FGF13: variants seen among roughly 807,000 people sequenced by gnomAD.
FGF13 encodes fibroblast growth factor homologous factor 2.
FGF13 carries 2 observed loss-of-function variants against 19.5 expected under a neutral mutation model. That is an observed-to-expected ratio of 0.10 (90% CI 0.04 to 0.32). FGF13 has a LOEUF of 0.32. FGF13 is among the 10% of genes least tolerant of loss of function. The pLI, the probability that FGF13 is intolerant of heterozygous loss-of-function variation, is 1.00. For synonymous variants in FGF13, 72 were observed against 76.9 expected (o/e 0.94, Z 0.33); for missense variants, 113 against 192.7 (o/e 0.59, Z 2.45).
At chrX:138,804,521 T>C (rs1193841892) in intron 3 of FGF13, among the ~76,000 whole-genome samples, 1 of 112,078 alleles carries the variant, frequency 8.9e-6, no homozygotes, top group Non-Finnish European at 1.9e-5. Flanking sequence ...CAGCATGAAT[T>C]ATTCCAATAT....
intron 1 of FGF13, among the ~76,000 whole-genome samples, chrX:139,003,847 G>C (rs1457667885): frequency 9.0e-6 from 1 of 111,531 alleles, no homozygotes; most frequent in Non-Finnish European, 1.9e-5. Context: ...ATGTCGATTG[G>C]TGCACTCACA....
chrX:138,675,015 A>G (rs1481897606), intron 3 of FGF13, among the ~76,000 whole-genome samples: 1 of 111,763 alleles, frequency 8.9e-6, no homozygotes, highest in Non-Finnish European at 1.9e-5. Flanking sequence ...GGTGCAATCA[A>G]GGGAGAACTA....
chrX:138,798,112 G>T (rs1391405980), intron 3 of FGF13, among the ~76,000 whole-genome samples: 2 of 111,823 alleles, frequency 1.8e-5, no homozygotes, highest in Non-Finnish European at 3.8e-5. Flanking sequence ...GAATAGGAGT[G>T]GTGGGAGAGG....
chrX:139,146,315 G>A (rs1382461556), intron 1 of FGF13, among the ~76,000 whole-genome samples: 1 of 112,171 alleles, frequency 8.9e-6, no homozygotes, highest in Non-Finnish European at 1.9e-5. Context: ...CAAAGGATAT[G>A]AACAGACACT....
chrX:138,936,834 A>G (rs1050472053), intron 1 of FGF13, among the ~76,000 whole-genome samples: 1 of 111,989 alleles, frequency 8.9e-6, no homozygotes, highest in Non-Finnish European at 1.9e-5. Flanking sequence ...CACACTGGGG[A>G]CCGCAAGGCC....
intron 1 of FGF13, among the ~76,000 whole-genome samples, chrX:139,010,135 G>T: frequency 9.0e-6 from 1 of 111,400 alleles, no homozygotes; most frequent in Non-Finnish European, 1.9e-5. Flanking sequence ...CCTAACACTG[G>T]AGCTTCCAAA....
intron 1 of FGF13, among the ~76,000 whole-genome samples, chrX:138,725,812 A>C (rs751164218): frequency 1.8e-5 from 2 of 111,629 alleles, no homozygotes; most frequent in East Asian, 5.6e-4. Flanking sequence ...AAAATATTAT[A>C]TTATTGGTAA....
intron 1 of FGF13, among the ~76,000 whole-genome samples, chrX:139,074,842 C>A (rs1467496719): frequency 8.9e-6 from 1 of 112,075 alleles, no homozygotes; most frequent in Admixed American, 9.4e-5. Context: ...TCTTGTTATG[C>A]CTTAGGAATC....
chrX:138,711,663 C>G lies in FGF13; in HGVS notation c.-660G>C. 6 of 754,730 alleles carry G rather than the reference C, an allele frequency of 7.9e-6. No individual in the cohort carries two copies. Among genetic ancestry groups the G allele is most frequent in the Non-Finnish European group, 9.4e-6 (6 of 639,085 alleles). 62.2% of individuals were successfully genotyped at this position (754,730 alleles called of 1,213,427 possible). A position where few individuals can be genotyped will look rare whatever the true frequency, so the allele number is the denominator to read the frequency against. ...GCTGTTGCTGCTGCTCTGGGCGCGG[C>G]ACAGTCGCAGCACAGGAATTCAGCC... On this transcript the variant is annotated 5_prime_UTR_variant, in exon 1 of 5. Coordinates refer to ENST00000315930, the MANE Select transcript of FGF13 (RefSeq NM_004114.5).
intron 1 of FGF13, among the ~76,000 whole-genome samples, chrX:139,028,708 TGA>T (rs34899745): frequency 0.086 from 5,182 of 60,290 alleles, 449 homozygotes; most frequent in African/African-American, 0.23. Flanking sequence ...TGTGTGTGTG[TGA>T]GAGAGAGAGA....
chrX:139,190,003 G>A (rs148509412), intron 1 of FGF13, among the ~76,000 whole-genome samples: 2,430 of 112,109 alleles, frequency 0.022, 31 homozygotes, highest in South Asian at 0.041. Flanking sequence ...AGTTCTTTTA[G>A]TCATGAATAA....
chrX:138,841,885 T>C (rs998782099), intron 3 of FGF13, among the ~76,000 whole-genome samples: 19 of 111,663 alleles, frequency 1.7e-4, no homozygotes, highest in African/African-American at 6.2e-4. Context: ...GAAAAAGTGA[T>C]GCTTCATTTT....
intron 1 of FGF13, among the ~76,000 whole-genome samples, chrX:138,933,686 G>A (rs1435565254): frequency 2.2e-5 from 2 of 92,141 alleles, no homozygotes; most frequent in East Asian, 7.6e-4. Flanking sequence ...GTCTTTATGC[G>A]AATTGGTCTT....
At chrX:139,024,368 C>T (rs2092192311) in intron 1 of FGF13, among the ~76,000 whole-genome samples, 1 of 111,259 alleles carries the variant, frequency 9.0e-6, no homozygotes, top group Non-Finnish European at 1.9e-5. Context: ...TCACCCATGA[C>T]TCGCTTTTAT....
intron 1 of FGF13, among the ~76,000 whole-genome samples, chrX:138,964,781 C>T (rs1159479240): frequency 9.0e-6 from 1 of 110,753 alleles, no homozygotes; most frequent in Non-Finnish European, 1.9e-5. Context: ...CTTTCAACAA[C>T]CAGCTCTTGC....
chrX:139,137,313 A>G (rs1357856103), intron 1 of FGF13, among the ~76,000 whole-genome samples: 1 of 112,346 alleles, frequency 8.9e-6, no homozygotes, highest in Non-Finnish European at 1.9e-5. Context: ...CAGAAACTGC[A>G]TGGTTAGGCA....
rs73565541 is a variant in FGF13, at chrX:138,769,945, A to C, written c.218-61017T>G. ...TTTCTATTTATTCATGTAGTTTTAC[A>C]TTTTCATGTCTCCTTTAGAACATGA... is the stretch of plus-strand genomic sequence containing the variant. On this transcript the variant is annotated intron_variant, in intron 3 of 6. Coordinates refer to the FGF13 transcript ENST00000436198. 3.3e-3 allele frequency among the ~76,000 whole-genome samples: 372 copies of C among 112,202 alleles called. 2 individuals are homozygous for C. Among genetic ancestry groups the C allele is most frequent in the African/African-American group, 0.012 (360 of 30,893 alleles).
chrX:138,984,524 G>GAACAAGAAGAAGAAC (rs1320718882), intron 1 of FGF13, among the ~76,000 whole-genome samples: 1 of 13,648 alleles, frequency 7.3e-5, no homozygotes, highest in Non-Finnish European at 1.3e-4. Context: ...AGAAGAAGAG[G>GAACAAGAAGAAGAAC]AAGAAGAAGA....
rs758272770 is a variant in FGF13 at position 139,153,343 on chromosome X, T to C, written c.-113+50073A>G. Among the ~76,000 whole-genome samples the C allele has an allele frequency of 3.2e-3, 311 of 97,408 alleles. 1 individual carries two copies. The highest frequency in any genetic ancestry group is 4.9e-3 in the Non-Finnish European group (246 of 50,108). The allele number at this position is 97,408 out of a possible 115,157, so 84.6% of individuals were successfully genotyped here. A position where few individuals can be genotyped will look rare whatever the true frequency, so the allele number is the denominator to read the frequency against. On this transcript the variant is annotated intron_variant, in intron 1 of 2. Transcript: ENST00000421460. ...TATTGCCAGTACCTTTATGAAGAGA[T>C]AATGAAAAAAAAAAAAAAGTCCTAT...
Sources: gnomAD v4.1 joint callset for allele counts (sites outside exome capture counted in the v4.1 genomes callset) on GRCh38, gnomAD v4.1.1 for gene constraint, MANE v1.5 for transcripts, NCBI Gene and HGNC (gene_info 2026-07-23, HGNC 2026-07-21) for gene names.